The following ZFR2 variants were observed in gnomAD, a reference collection of about 807,000 sequenced individuals.
The protein encoded by ZFR2 is zinc finger RNA-binding protein 2.
In ZFR2, 104 loss-of-function variants were observed where a neutral mutation model predicts 105.7. The ratio of observed to expected loss-of-function variants is 0.98; its 90% CI spans 0.84 to 1.16. ZFR2 has a LOEUF of 1.16. Ranked by LOEUF, ZFR2 falls within the 50% of genes most tolerant of loss-of-function variation. ZFR2 has a pLI of 0.00. For synonymous variants in ZFR2, 634 were observed against 597.7 expected (o/e 1.06, Z -0.89); for missense variants, 1,425 against 1,355.5 (o/e 1.05, Z -0.80).
intron 17 of ZFR2, among the ~76,000 whole-genome samples, chr19:3,807,954 CAT>C (rs960902286): frequency 7.2e-6 from 1 of 139,690 alleles, no homozygotes; most frequent in East Asian, 2.2e-4. Flanking sequence ...TGCATGCACT[CAT>C]GTCTGTGTGT....
At chr19:3,814,551 G>A (rs2037805505) in intron 13 of ZFR2, among the ~76,000 whole-genome samples, 1 of 152,190 alleles carries the variant, frequency 6.6e-6, no homozygotes, top group African/African-American at 2.4e-5. Flanking sequence ...CCTCCCTGCT[G>A]CAAGGCAGCC....
intron 10 of ZFR2, 144 bp from the exon 11 acceptor site, chr19:3,820,434 GC>G: frequency 1.3e-6 from 1 of 785,398 alleles, no homozygotes; most frequent in Non-Finnish European, 2.0e-6. Context: ...CTGCATGGGT[GC>G]CTGCTGTATG....
At chr19:3,865,937 G>A (rs1234949049) in intron 1 of ZFR2, among the ~76,000 whole-genome samples, 5 of 152,050 alleles carry the variant, frequency 3.3e-5, no homozygotes, top group African/African-American at 1.2e-4. Flanking sequence ...CACCTCCCGC[G>A]TTCAAGAGAT....
intron 1 of ZFR2, among the ~76,000 whole-genome samples, chr19:3,867,515 C>G (rs2038447077): frequency 6.6e-6 from 1 of 151,968 alleles, no homozygotes; most frequent in Admixed American, 6.6e-5. Flanking sequence ...CTGGCCAGTT[C>G]CCAGTGTGTC....
At position 3,853,197 on chromosome 19, in the gene ZFR2, G is replaced by A. The variant is rs146503528; in HGVS notation, c.53+15768C>T. Among the ~76,000 whole-genome samples, 593 of 152,286 alleles carry A rather than the reference G, an allele frequency of 3.9e-3. 4 individuals are homozygous for A. Among genetic ancestry groups the A allele is most frequent in the African/African-American group, 0.014 (565 of 41,558 alleles). On this transcript the variant is annotated intron_variant, in intron 1 of 18. Transcript: ENST00000262961. ...TTAGAGCCTAGCTCTGCAGATGGTC[G>A]GCAGCCAACATTGCTGCTTCTGCCA...
intron 7 of ZFR2, among the ~76,000 whole-genome samples, chr19:3,824,730 A>T (rs1568422414): frequency 6.6e-6 from 1 of 152,346 alleles, no homozygotes; most frequent in East Asian, 1.9e-4. Flanking sequence ...TGAGGTCAGG[A>T]GTTCGAGACC....
Position 3,851,145 on chromosome 19 carries a change from C to A in ZFR2, c.54-16162G>T, listed in dbSNP as rs140195842. Reference sequence around the variant, plus strand: ...CCCAGCCGACCAAGACAGGTGGAGACGGTTAGAGAGGGGAGCAGTTAGAGG... The same window carrying A: ...CCCAGCCGACCAAGACAGGTGGAGAAGGTTAGAGAGGGGAGCAGTTAGAGG... On this transcript the variant is annotated intron_variant, in intron 1 of 18. Transcript: ENST00000262961. Among the ~76,000 whole-genome samples, 5 of 151,968 alleles carry A rather than the reference C, an allele frequency of 3.3e-5. No homozygotes were observed. The East Asian group carries it at 9.7e-4, about 29-fold the overall frequency.
At chr19:3,806,447 A>T (rs1362408700) in intron 18 of ZFR2, among the ~76,000 whole-genome samples, 2 of 152,168 alleles carry the variant, frequency 1.3e-5, no homozygotes, top group African/African-American at 4.8e-5. Flanking sequence ...TTTTTAGTAG[A>T]GACAGGGTTT....
chr19:3,804,469 G>T lies in ZFR2; in HGVS notation c.*1480C>A, dbSNP rs2145124376. On this transcript the variant is annotated 3_prime_UTR_variant, in exon 19 of 19. Coordinates refer to ENST00000262961, the MANE Select transcript of ZFR2 (RefSeq NM_015174.2). ...AGGAAGGACGGAAGCTCAAATCCAGGCCTCAGTGACACATGGCAGAGTGGG... is the reference window on the plus strand; with the variant it reads ...AGGAAGGACGGAAGCTCAAATCCAGTCCTCAGTGACACATGGCAGAGTGGG... 1 of 145,720 alleles carries T rather than the reference G, an allele frequency of 6.9e-6. No homozygotes were observed. The allele number at this position is 145,720 out of a possible 1,614,324, so 9.0% of individuals were successfully genotyped here.
intron 1 of ZFR2, among the ~76,000 whole-genome samples, chr19:3,866,718 A>T (rs1180976851): frequency 6.6e-6 from 1 of 152,220 alleles, no homozygotes; most frequent in Non-Finnish European, 1.5e-5. Context: ...TAGCAGGCAG[A>T]GGGGTGGAGT....
chr19:3,811,343 C>A lies in ZFR2; in HGVS notation c.2266G>T (p.Ala756Ser). Residue 756 changes from alanine to serine, a missense_variant, in exon 15 of 19, where the codon GCA becomes TCA. Physicochemically the swap from Ala to Ser is moderately conservative, Grantham distance 99. Coordinates refer to ENST00000262961, the MANE Select transcript of ZFR2 (RefSeq NM_015174.2). Reference sequence around the variant, plus strand: ...TTCTTGGGGCTCAGGACATCACCTGCATCAGCCTGAGGCTCCTCCACACCT... The same window carrying A: ...TTCTTGGGGCTCAGGACATCACCTGAATCAGCCTGAGGCTCCTCCACACCT... ...DPGVEEPQAD[A>S]GDVLSPKKCL... The A allele has an allele frequency of 6.2e-7, 1 of 1,601,172 alleles. No individual in the cohort carries two copies. Among genetic ancestry groups the A allele is most frequent in the Non-Finnish European group, 8.5e-7 (1 of 1,174,692 alleles).
rs7246032 is a variant in ZFR2, at chr19:3,838,039, A to G, written c.54-3056T>C. Among the ~76,000 whole-genome samples the G allele has an allele frequency of 0.82, 124,538 of 151,204 alleles. 51,865 individuals carry two copies. The highest frequency in any genetic ancestry group is 0.98 in the East Asian group (4,995 of 5,100). ...TTGATGAACACCGTGACTGTGACAC[A>G]CGATGAACACCATGACCGTGACACG... On this transcript the variant is annotated intron_variant, in intron 1 of 18. Transcript: ENST00000262961. The surrounding 1 kb of genome is among the most constrained non-coding windows in gnomAD (Gnocchi z 4.9).
At chr19:3,812,599 C>T (rs1479328841) in intron 14 of ZFR2, among the ~76,000 whole-genome samples, 2 of 152,036 alleles carry the variant, frequency 1.3e-5, no homozygotes, top group African/African-American at 4.8e-5. Flanking sequence ...TTAACCCGCC[C>T]CCACAACCGC....
chr19:3,844,942 G>C (rs1023041877), intron 1 of ZFR2, among the ~76,000 whole-genome samples: 1 of 152,194 alleles, frequency 6.6e-6, no homozygotes, highest in Admixed American at 6.5e-5. Context: ...ATTGGGAAAG[G>C]GGGCTGCAGG....
chr19:3,820,071 CCT>C (rs1231656956), intron 11 of ZFR2, 109 bp downstream of exon 11: 10 of 1,082,118 alleles, frequency 9.2e-6, no homozygotes, highest in African/African-American at 6.2e-5. Context: ...AGCCCCATCC[CCT>C]GAGTACTATG....
At chr19:3,867,025 A>G (rs1214599999) in intron 1 of ZFR2, among the ~76,000 whole-genome samples, 5 of 152,098 alleles carry the variant, frequency 3.3e-5, no homozygotes, top group Non-Finnish European at 7.4e-5. Flanking sequence ...TCCATTAGAA[A>G]GGGCACAGCA....
chr19:3,833,517 A>G lies in ZFR2; in HGVS notation c.379+147T>C, dbSNP rs1380533475. ...CTTTAACCTGGGAGGCGAAGCTTGCAGTGAGCCGAGATCGCACCACTGCAC... is the reference window on the plus strand; with the variant it reads ...CTTTAACCTGGGAGGCGAAGCTTGCGGTGAGCCGAGATCGCACCACTGCAC... On this transcript the variant is annotated intron_variant, in intron 3 of 18. Coordinates refer to ENST00000262961, the MANE Select transcript of ZFR2 (RefSeq NM_015174.2). 1.0e-5 allele frequency: 6 copies of G among 594,680 alleles called. No homozygotes were observed. The Middle Eastern group carries it at 9.4e-4, about 93-fold the overall frequency. 36.8% of individuals were successfully genotyped at this position (594,680 alleles called of 1,614,324 possible). A position where few individuals can be genotyped will look rare whatever the true frequency, so the allele number is the denominator to read the frequency against.
chr19:3,813,694 T>C lies in ZFR2; in HGVS notation c.2242+126A>G, dbSNP rs1358438382. ...GGAATCCTCAGGGGGACAGCAGTGCTGGAGCGTGGCTGCTGTGGCATTTCC... is the reference window on the plus strand; with the variant it reads ...GGAATCCTCAGGGGGACAGCAGTGCCGGAGCGTGGCTGCTGTGGCATTTCC... On this transcript the variant is annotated intron_variant, in intron 14 of 18. Coordinates refer to ENST00000262961, the MANE Select transcript of ZFR2 (RefSeq NM_015174.2). This position sits in a 1 kb window ranked among gnomAD's most constrained non-coding sequence, Gnocchi z 4.4. The C allele has an allele frequency of 2.9e-6, 4 of 1,359,022 alleles. No homozygotes were observed. The highest frequency in any genetic ancestry group is 4.0e-6 in the Non-Finnish European group (4 of 992,942). The allele number at this position is 1,359,022 out of a possible 1,614,324, so 84.2% of individuals were successfully genotyped here. A position where few individuals can be genotyped will look rare whatever the true frequency, so the allele number is the denominator to read the frequency against.
At chr19:3,837,456 CCAT>C (rs2038087943) in intron 1 of ZFR2, among the ~76,000 whole-genome samples, 2 of 151,862 alleles carry the variant, frequency 1.3e-5, no homozygotes, top group South Asian at 4.2e-4. Flanking sequence ...TTGATGAACA[CCAT>C]GACTATGGGA....
Sources: gnomAD v4.1 joint callset for allele counts (sites outside exome capture counted in the v4.1 genomes callset) on GRCh38, gnomAD v4.1.1 for gene constraint, Gnocchi (gnomAD v3.1) non-coding constraint, MANE v1.5 for transcripts, NCBI Gene and HGNC (gene_info 2026-07-23, HGNC 2026-07-21) for gene names.